Variants in PHF14 observed in about 807,000 individuals in gnomAD.
PHF14 encodes PHD finger protein 14.
A neutral mutation model predicts 117.9 loss-of-function variants in PHF14; 55 were observed. That is an observed-to-expected ratio of 0.47 (90% CI 0.38 to 0.58). The LOEUF is 0.58. PHF14 is among the 20% of genes least tolerant of loss of function. PHF14 has a pLI of 0.00. For missense variants in PHF14, 978 were observed against 1,122.2 expected (o/e 0.87, Z 1.84); for synonymous variants, 409 against 368.6 (o/e 1.11, Z -1.26).
chr7:11,111,297 A>G (rs1165039044), intron 16 of PHF14, 53 bp from the exon 17 acceptor site: 1 of 815,074 alleles, frequency 1.2e-6, no homozygotes, highest in Admixed American at 2.3e-5. Context: ...CATGAAGTAG[A>G]TGGTTTTTAT....
intron 4 of PHF14, among the ~76,000 whole-genome samples, chr7:11,000,136 TAAAGATGCA>T (rs981669639): frequency 9.2e-5 from 14 of 152,124 alleles, no homozygotes; most frequent in Non-Finnish European, 1.6e-4. Flanking sequence ...ATGTTCCAAG[TAAAGATGCA>T]AAAGATGCAA....
chr7:10,983,294 CTG>C (rs1414509996), intron 3 of PHF14, 135 bp downstream of exon 3: 20 of 871,924 alleles, frequency 2.3e-5, no homozygotes, highest in Non-Finnish European at 3.3e-6. Flanking sequence ...AGCACCCTAA[CTG>C]TAACATTTTT....
intron 17 of PHF14, among the ~76,000 whole-genome samples, chr7:11,118,499 T>G (rs1055211912): frequency 7.9e-5 from 12 of 151,944 alleles, no homozygotes; most frequent in African/African-American, 2.9e-4. Flanking sequence ...ACAATCCCAC[T>G]AATTATAGTT....
chr7:11,138,654 G>C (rs140500781), intron 17 of PHF14, among the ~76,000 whole-genome samples: 1 of 152,104 alleles, frequency 6.6e-6, no homozygotes, highest in Admixed American at 6.5e-5. Context: ...TTTAATTTCT[G>C]ATATTTATCT....
chr7:11,083,758 C>T (rs180752566), intron 16 of PHF14, among the ~76,000 whole-genome samples: 1 of 152,158 alleles, frequency 6.6e-6, no homozygotes, highest in Admixed American at 6.5e-5. Flanking sequence ...CCACACCTGG[C>T]CTGCTTTCCC....
intron 17 of PHF14, among the ~76,000 whole-genome samples, chr7:11,138,674 A>G (rs1788313901): frequency 6.6e-6 from 1 of 152,224 alleles, no homozygotes; most frequent in Non-Finnish European, 1.5e-5. Context: ...TCACTTGCAT[A>G]TCATTCGTGC....
chr7:11,151,406 C>G (rs915477016), intron 17 of PHF14, among the ~76,000 whole-genome samples: 10 of 151,896 alleles, frequency 6.6e-5, no homozygotes, highest in African/African-American at 2.4e-4. Flanking sequence ...AAAATAAAAA[C>G]AAATTAGCTG....
At chr7:11,036,375 T>C in intron 8 of PHF14, 43 bp from the exon 9 acceptor site, 1 of 1,456,658 alleles carries the variant, frequency 6.9e-7, no homozygotes, top group Non-Finnish European at 9.3e-7. Context: ...GGAACATGTT[T>C]CATTTTATTA....
chr7:11,077,152 T>C (rs1282985660), intron 16 of PHF14, among the ~76,000 whole-genome samples: 1 of 152,118 alleles, frequency 6.6e-6, no homozygotes, highest in Non-Finnish European at 1.5e-5. Flanking sequence ...ATCTATTTAC[T>C]AAATGCTTTT....
chr7:10,983,005 A>G lies in PHF14; in HGVS notation c.746A>G (p.Asp249Gly), dbSNP rs375250561. 4.4e-5 allele frequency: 70 copies of G among 1,582,930 alleles called. No homozygotes were observed. The highest frequency in any genetic ancestry group is 5.8e-5 in the Non-Finnish European group (68 of 1,166,310). ...GATGAGGGAAGCGGGAGTGATGAAG[A>G]CGAGAATGATGAAGGCAATGATGAA... Reference protein sequence around the residue: ...DEDEGSGSDEDENDEGNDEDH... With the variant: ...DEDEGSGSDEGENDEGNDEDH... The change falls in exon 3 of 18, where the codon GAC (aspartate) becomes GGC (glycine). Residue 249 changes from aspartate (D) to glycine (G), a missense_variant. This residue lies in a region of PHF14 where 414 missense variants were observed against 376.4 expected (regional missense o/e 1.10). Transcript: ENST00000634607.
intron 17 of PHF14, among the ~76,000 whole-genome samples, chr7:11,145,884 G>A (rs1287874914): frequency 6.6e-6 from 1 of 151,936 alleles, no homozygotes; most frequent in Non-Finnish European, 1.5e-5. Context: ...TGTTGGATTA[G>A]CATCAGCAAG....
Position 10,983,057 on chromosome 7 carries a change from G to A in PHF14, c.798G>A (p.Gly266=), listed in dbSNP as rs778626378. The A allele has an allele frequency of 8.8e-6, 14 of 1,597,344 alleles. 1 individual carries two copies. In the Admixed American group the frequency reaches 1.0e-4, roughly 12 times the overall value. The change falls in exon 3 of 18, where the codon GGG becomes GGA. Residue 266 remains glycine (G), a synonymous_variant. Coordinates refer to ENST00000634607, the MANE Select transcript of PHF14 (RefSeq NM_001007157.2). ...ATCATAGTAGCCCTGCCAGTGAAGG[G>A]GGTTGCAAGAAGAAGAAGAGTAAAG... ...DEDHSSPASE[G]GCKKKKSKVL...
chr7:11,145,641 T>C (rs1562485231), intron 17 of PHF14, among the ~76,000 whole-genome samples: 1 of 151,972 alleles, frequency 6.6e-6, no homozygotes, highest in Non-Finnish European at 1.5e-5. Flanking sequence ...ATTATATTAA[T>C]ATACTTCATC....
intron 17 of PHF14, among the ~76,000 whole-genome samples, chr7:11,138,092 G>A (rs1482392546): frequency 6.6e-6 from 1 of 150,648 alleles, no homozygotes; most frequent in Non-Finnish European, 1.5e-5. Context: ...GCAGGCTGGA[G>A]TGCAGTGGCA....
At chr7:11,088,050 C>G (rs1240839376) in intron 16 of PHF14, among the ~76,000 whole-genome samples, 1 of 151,902 alleles carries the variant, frequency 6.6e-6, no homozygotes, top group Non-Finnish European at 1.5e-5. Context: ...ACAGTCATCC[C>G]TCCATATCCG....
chr7:11,113,693 T>C (rs1160498827), intron 17 of PHF14, among the ~76,000 whole-genome samples: 1 of 152,174 alleles, frequency 6.6e-6, no homozygotes, highest in Non-Finnish European at 1.5e-5. Flanking sequence ...TGAATATTTG[T>C]GCTGCATCAG....
At chr7:11,017,375 C>T (rs577665315) in intron 5 of PHF14, among the ~76,000 whole-genome samples, 1 of 152,226 alleles carries the variant, frequency 6.6e-6, no homozygotes, top group Admixed American at 6.5e-5. Context: ...ACAAGGGTTC[C>T]CTTTTCTCCA....
intron 3 of PHF14, among the ~76,000 whole-genome samples, chr7:10,983,502 C>G (rs1473532882): frequency 6.6e-6 from 1 of 152,118 alleles, no homozygotes; most frequent in African/African-American, 2.4e-5. Context: ...GTGCTGAGTG[C>G]ATTATGAAAA....
At chr7:10,975,310 G>A (rs532471465) in intron 2 of PHF14, among the ~76,000 whole-genome samples, 2 of 152,280 alleles carry the variant, frequency 1.3e-5, no homozygotes, top group Admixed American at 6.5e-5. Context: ...CCTGAGCAGG[G>A]TTCTTCTTTT....
Sources: allele counts gnomAD v4.1 joint callset (sites outside exome capture counted in the v4.1 genomes callset), GRCh38; gene constraint gnomAD v4.1.1; regional missense constraint gnomAD v4.1.1; transcripts MANE v1.5; gene names NCBI Gene and HGNC (gene_info 2026-07-23, HGNC 2026-07-21).